CSTPP1: variants seen among roughly 807,000 people sequenced by gnomAD.
CSTPP1 encodes centriolar satellite-associated tubulin polyglutamylase complex regulator 1.
chr11:47,013,097 ATAT>A, the CSTPP1 span, among the ~76,000 whole-genome samples: 4 of 147,460 alleles, frequency 2.7e-5, no homozygotes, highest in South Asian at 2.1e-4. Context: ...ATATAATCAT[ATAT>A]TATTATATAA....
the CSTPP1 span, among the ~76,000 whole-genome samples, chr11:47,016,390 C>CAAAAAAAAAAA: frequency 7.2e-5 from 9 of 125,830 alleles, no homozygotes; most frequent in East Asian, 2.7e-4. Flanking sequence ...ATGGAATCTA[C>CAAAAAAAAAAA]AAAAAACAAA....
chr11:47,148,000 G>T, the CSTPP1 span, among the ~76,000 whole-genome samples: 1 of 152,278 alleles, frequency 6.6e-6, no homozygotes, highest in South Asian at 2.1e-4. Flanking sequence ...TACCCTGGAG[G>T]TGCGGGCTGG....
At chr11:47,157,874 G>A in the CSTPP1 span, 1 of 1,614,078 alleles carries the variant, frequency 6.2e-7, no homozygotes, top group Non-Finnish European at 8.5e-7. Flanking sequence ...GACCTTCTAT[G>A]GATTCCTCAT....
the CSTPP1 span, among the ~76,000 whole-genome samples, chr11:47,086,296 C>T: frequency 1.8e-3 from 267 of 148,356 alleles, 1 homozygote; most frequent in African/African-American, 6.5e-3. Context: ...ATCCCAGCTA[C>T]TTGAGAGGCT....
At chr11:47,122,092 ATATAT>A in the CSTPP1 span, among the ~76,000 whole-genome samples, 29 of 35,064 alleles carry the variant, frequency 8.3e-4, no homozygotes, top group African/African-American at 2.5e-3. Context: ...AAAAAAAAAA[ATATAT>A]ATATATATAT....
the CSTPP1 span, among the ~76,000 whole-genome samples, chr11:47,101,175 T>A: frequency 1.1e-5 from 1 of 88,746 alleles, no homozygotes; most frequent in Non-Finnish European, 2.6e-5. Flanking sequence ...TTTTTTTTTT[T>A]TTTTTTTTTT....
At chr11:47,158,554 T>A in the CSTPP1 span, among the ~76,000 whole-genome samples, 1 of 152,190 alleles carries the variant, frequency 6.6e-6, no homozygotes, top group African/African-American at 2.4e-5. Flanking sequence ...TGTTTTATTT[T>A]GGGACAGAGT....
chr11:47,047,760 A>G, the CSTPP1 span, among the ~76,000 whole-genome samples: 1 of 152,366 alleles, frequency 6.6e-6, no homozygotes, highest in African/African-American at 2.4e-5. Context: ...TGCAAATCAT[A>G]TATCCAATAA....
At chr11:46,980,948 T>C in the CSTPP1 span, among the ~76,000 whole-genome samples, 1 of 152,184 alleles carries the variant, frequency 6.6e-6, no homozygotes, top group African/African-American at 2.4e-5. Flanking sequence ...AAATAGATAC[T>C]CATACAGCTG....
chr11:47,129,964 A>G, the CSTPP1 span, among the ~76,000 whole-genome samples: 1 of 152,214 alleles, frequency 6.6e-6, no homozygotes, highest in Non-Finnish European at 1.5e-5. Flanking sequence ...ATAAAATATA[A>G]AACTAAAGGG....
chr11:47,110,907 T>TTTTTTTTTG, the CSTPP1 span, among the ~76,000 whole-genome samples: 1 of 150,528 alleles, frequency 6.6e-6, no homozygotes, highest in Admixed American at 6.6e-5. Context: ...TTTTTTTTTT[T>TTTTTTTTTG]GAGACAGAGT....
At chr11:47,086,087 T>C in the CSTPP1 span, among the ~76,000 whole-genome samples, 1 of 151,600 alleles carries the variant, frequency 6.6e-6, no homozygotes, top group African/African-American at 2.4e-5. Context: ...AAACTACTTA[T>C]GAACAAGAAT....
the CSTPP1 span, among the ~76,000 whole-genome samples, chr11:47,117,870 T>A: frequency 1.5e-5 from 2 of 135,288 alleles, no homozygotes; most frequent in African/African-American, 5.6e-5. Context: ...CTCGCTGTAT[T>A]TCTTTTCTTT....
At chr11:46,953,773 T>C in the CSTPP1 span, among the ~76,000 whole-genome samples, 1 of 152,186 alleles carries the variant, frequency 6.6e-6, no homozygotes, top group Admixed American at 6.5e-5. Context: ...AAGTGAGAAA[T>C]CAGGTCTTAA....
chr11:47,161,668 CT>C, the CSTPP1 span: 1 of 1,578,802 alleles, frequency 6.3e-7, no homozygotes, highest in Non-Finnish European at 8.6e-7. Context: ...CCACAGCGCC[CT>C]GTACCTGCTC....
chr11:46,941,215 T>A, the CSTPP1 span, among the ~76,000 whole-genome samples: 1 of 152,262 alleles, frequency 6.6e-6, no homozygotes, highest in African/African-American at 2.4e-5. Flanking sequence ...CCTCACTGCC[T>A]TCTCCTGGTT....
the CSTPP1 span, among the ~76,000 whole-genome samples, chr11:46,972,994 G>T: frequency 6.6e-6 from 1 of 152,028 alleles, no homozygotes; most frequent in Non-Finnish European, 1.5e-5. Context: ...TGTGACCTTG[G>T]GCAGTTTCTT....
chr11:47,128,618 G>C, the CSTPP1 span, among the ~76,000 whole-genome samples: 4 of 152,070 alleles, frequency 2.6e-5, no homozygotes, highest in African/African-American at 9.7e-5. Context: ...GAACTCCTGG[G>C]TTCAAGCGAT....
the CSTPP1 span, among the ~76,000 whole-genome samples, chr11:47,121,599 ATC>A: frequency 6.6e-6 from 1 of 152,138 alleles, no homozygotes; most frequent in Admixed American, 6.5e-5. Flanking sequence ...ATTGATTATT[ATC>A]TCTTTTTTAC....
Sources: allele counts gnomAD v4.1 joint callset (sites outside exome capture counted in the v4.1 genomes callset), GRCh38; gene constraint gnomAD v4.1.1; transcripts MANE v1.5; gene names NCBI Gene and HGNC (gene_info 2026-07-23, HGNC 2026-07-21).